The following GMDS variants were observed in gnomAD, a reference collection of about 807,000 sequenced individuals.
The protein encoded by GMDS is GDP-mannose 4,6-dehydratase.
GMDS carries 20 observed loss-of-function variants against 49.9 expected under a neutral mutation model. That is an observed-to-expected ratio of 0.40 (90% CI 0.28 to 0.58). The LOEUF (loss-of-function observed/expected upper bound fraction) is 0.58, where lower values mean the gene tolerates loss of function less well. Among genes scored for constraint, GMDS ranks in the 20% least tolerant of loss-of-function variants. The pLI is 0.42. For synonymous variants in GMDS, 177 were observed against 178.6 expected (o/e 0.99, Z 0.07); for missense variants, 362 against 481.4 (o/e 0.75, Z 2.32).
rs987999550 is a variant in GMDS, at chr6:1,795,942, G to A, written c.772-53356C>T. On this transcript the variant is annotated intron_variant, in intron 7 of 10. Transcript: ENST00000380815. ...CAATAAACAGTGAGGCCAGAGATGG[G>A]GGGAAGGCGGGGACTGGCCAGTTCT... 7.9e-5 allele frequency among the ~76,000 whole-genome samples: 12 copies of A among 152,224 alleles called. 1 individual carries two copies. The highest frequency in any genetic ancestry group is 6.5e-4 in the Admixed American group (10 of 15,290).
chr6:2,220,603 A>C (rs1390835704), intron 1 of GMDS, among the ~76,000 whole-genome samples: 1 of 152,204 alleles, frequency 6.6e-6, no homozygotes, highest in Non-Finnish European at 1.5e-5. Context: ...AATGTACACA[A>C]ACTTTGCTAC....
chr6:1,896,666 G>A (rs977736348), intron 7 of GMDS, among the ~76,000 whole-genome samples: 1 of 152,098 alleles, frequency 6.6e-6, no homozygotes. Flanking sequence ...GTGCTGCAGG[G>A]GTTGTATCAA....
intron 4 of GMDS, among the ~76,000 whole-genome samples, chr6:2,093,920 G>C (rs1182706108): frequency 2.0e-5 from 3 of 152,192 alleles, no homozygotes; most frequent in Non-Finnish European, 4.4e-5. Context: ...CTGGAAAACA[G>C]TGCTTATGGT....
At chr6:2,159,080 T>C (rs1188600308) in intron 1 of GMDS, among the ~76,000 whole-genome samples, 1 of 152,232 alleles carries the variant, frequency 6.6e-6, no homozygotes, top group African/African-American at 2.4e-5. Context: ...CGACACTTCA[T>C]GAAAGTCAAC....
chr6:1,981,519 G>A lies in GMDS; in HGVS notation c.346-20553C>T, dbSNP rs138104729. Among the ~76,000 whole-genome samples, 1,167 of 152,236 alleles carry A rather than the reference G, an allele frequency of 7.7e-3. 14 individuals are homozygous for A. Among genetic ancestry groups the A allele is most frequent in the Non-Finnish European group, 0.01 (698 of 68,012 alleles). ...GAATCCCTGAATAGACCAATAATGAGTCTGAAATTGAGGAGGTCAAACCAA... is the reference window on the plus strand; with the variant it reads ...GAATCCCTGAATAGACCAATAATGAATCTGAAATTGAGGAGGTCAAACCAA... On this transcript the variant is annotated intron_variant, in intron 4 of 10. Transcript: ENST00000380815.
At chr6:1,762,220 G>C (rs149732658) in intron 7 of GMDS, among the ~76,000 whole-genome samples, 1 of 152,358 alleles carries the variant, frequency 6.6e-6, no homozygotes, top group East Asian at 1.9e-4. Context: ...CAAAGTTGAA[G>C]AGTCCATAAC....
chr6:1,849,605 T>C (rs1283270293), intron 7 of GMDS, among the ~76,000 whole-genome samples: 1 of 152,240 alleles, frequency 6.6e-6, no homozygotes, highest in African/African-American at 2.4e-5. Context: ...TAAATGTACT[T>C]AAGTTATGTG....
chr6:2,054,971 G>T (rs1168827923), intron 4 of GMDS, among the ~76,000 whole-genome samples: 1 of 151,840 alleles, frequency 6.6e-6, no homozygotes, highest in Non-Finnish European at 1.5e-5. Flanking sequence ...TGCCCATGAT[G>T]AATGAAAGGA....
intron 1 of GMDS, among the ~76,000 whole-genome samples, chr6:2,199,637 T>C (rs545540171): frequency 6.6e-6 from 1 of 152,346 alleles, no homozygotes; most frequent in South Asian, 2.1e-4. Context: ...TCAGCTCCTC[T>C]GAAGGCCTTC....
chr6:1,994,062 C>T (rs932495696), intron 4 of GMDS, among the ~76,000 whole-genome samples: 13 of 152,146 alleles, frequency 8.5e-5, no homozygotes, highest in African/African-American at 3.1e-4. Context: ...ACAAGGAAGC[C>T]TGCAAAGGAG....
chr6:1,652,557 T>TATATAATATATATTATTTATATATA (rs1763713161), intron 9 of GMDS, among the ~76,000 whole-genome samples: 1 of 13,274 alleles, frequency 7.5e-5, no homozygotes, highest in Non-Finnish European at 1.6e-4. Context: ...TAATATATTA[T>TATATAATATATATTATTTATATATA]ATATATTATA....
chr6:1,931,265 A>C (rs1055862950), intron 6 of GMDS, among the ~76,000 whole-genome samples: 1 of 152,234 alleles, frequency 6.6e-6, no homozygotes, highest in African/African-American at 2.4e-5. Context: ...TATTATGATC[A>C]AAGTGTTTGG....
Position 1,683,931 on chromosome 6 carries a change from C to T in GMDS, c.987+42485G>A, listed in dbSNP as rs796624397. 5.3e-5 allele frequency among the ~76,000 whole-genome samples: 8 copies of T among 150,530 alleles called. No individual in the cohort carries two copies. In the South Asian group the frequency reaches 8.4e-4, roughly 16 times the overall value. Reference sequence around the variant, plus strand: ...GTTTTGCGATCGGTAGGCCTGGATCCGCCCTCTATCAGCTATGAGGGTGGG... The same window carrying T: ...GTTTTGCGATCGGTAGGCCTGGATCTGCCCTCTATCAGCTATGAGGGTGGG... On this transcript the variant is annotated intron_variant, in intron 9 of 10. Transcript: ENST00000380815.
At chr6:2,117,624 T>A in intron 2 of GMDS, 68 bp from the exon 3 acceptor site, 2 of 806,904 alleles carry the variant, frequency 2.5e-6, no homozygotes, top group African/African-American at 1.7e-5. Flanking sequence ...TTAGCTAATG[T>A]TTAGCTTTAT....
intron 9 of GMDS, among the ~76,000 whole-genome samples, chr6:1,720,511 A>T (rs1213006452): frequency 6.6e-6 from 1 of 152,244 alleles, no homozygotes; most frequent in Non-Finnish European, 1.5e-5. Context: ...TATTTATAAA[A>T]TACAAGCAGT....
chr6:1,879,893 A>AT (rs746440388), intron 7 of GMDS, among the ~76,000 whole-genome samples: 5 of 152,008 alleles, frequency 3.3e-5, no homozygotes, highest in Non-Finnish European at 5.9e-5. Context: ...ATTTAAGGGT[A>AT]TAAGAGGCAC....
chr6:1,937,417 C>T (rs1182969916), intron 6 of GMDS, among the ~76,000 whole-genome samples: 1 of 152,168 alleles, frequency 6.6e-6, no homozygotes, highest in African/African-American at 2.4e-5. Flanking sequence ...CTGTTAAGGA[C>T]TATATTAGTT....
intron 9 of GMDS, among the ~76,000 whole-genome samples, chr6:1,681,528 A>G (rs577411049): frequency 3.9e-5 from 6 of 152,294 alleles, no homozygotes; most frequent in Admixed American, 2.6e-4. Flanking sequence ...ACCAGGCGGT[A>G]GACCCAGGCG....
At position 2,117,566 on chromosome 6, in the gene GMDS, T is replaced by C. The variant is rs1774913358; in HGVS notation, c.148-10A>G. 1.3e-6 allele frequency: 2 copies of C among 1,499,794 alleles called. No individual in the cohort carries two copies. The highest frequency in any genetic ancestry group is 3.3e-5 in the Admixed American group (2 of 59,832). The allele number at this position is 1,499,794 out of a possible 1,614,324, so 92.9% of individuals were successfully genotyped here. Reference sequence around the variant, plus strand: ...GTACAATTCCATGGACCTGAGTTTTTACAGTGTGGAAAGATAAATGTGCAA... The same window carrying C: ...GTACAATTCCATGGACCTGAGTTTTCACAGTGTGGAAAGATAAATGTGCAA... On this transcript the variant is annotated splice_polypyrimidine_tract_variant and intron_variant, in intron 2 of 10. Coordinates refer to ENST00000380815, the MANE Select transcript of GMDS (RefSeq NM_001500.4).
Sources: gnomAD v4.1 joint callset for allele counts (sites outside exome capture counted in the v4.1 genomes callset) on GRCh38, gnomAD v4.1.1 for gene constraint, MANE v1.5 for transcripts, NCBI Gene and HGNC (gene_info 2026-07-23, HGNC 2026-07-21) for gene names.